Variants in PTPRQ observed in about 807,000 individuals in gnomAD.
PTPRQ encodes phosphatidylinositol phosphatase PTPRQ.
PTPRQ carries 199 observed loss-of-function variants against 246.0 expected under a neutral mutation model. That is an observed-to-expected ratio of 0.81 (90% CI 0.72 to 0.91). The LOEUF (loss-of-function observed/expected upper bound fraction) is 0.91, where lower values mean the gene tolerates loss of function less well. Among genes scored for constraint, PTPRQ ranks in the 40% least tolerant of loss-of-function variants. PTPRQ has a pLI of 0.00. For synonymous variants in PTPRQ, 869 were observed against 853.2 expected (o/e 1.02, Z -0.32); for missense variants, 2,624 against 2,528.4 (o/e 1.04, Z -0.81).
chr12:80,488,753 T>C (rs1403195016), intron 9 of PTPRQ, among the ~76,000 whole-genome samples: 3 of 152,040 alleles, frequency 2.0e-5, no homozygotes, highest in Non-Finnish European at 4.4e-5. Context: ...TTTGATCTCA[T>C]TACCCTTATT....
chr12:80,527,273 T>A (rs1895715073), intron 17 of PTPRQ, among the ~76,000 whole-genome samples: 2 of 152,108 alleles, frequency 1.3e-5, no homozygotes, highest in Admixed American at 6.6e-5. Flanking sequence ...GTCAAGTAAT[T>A]GTTAACCTTG....
At chr12:80,663,799 C>G (rs1900703959) in intron 39 of PTPRQ, among the ~76,000 whole-genome samples, 1 of 151,864 alleles carries the variant, frequency 6.6e-6, no homozygotes, top group Non-Finnish European at 1.5e-5. Flanking sequence ...ATTGTAGCCT[C>G]TCCATAATCT....
chr12:80,482,580 G>A (rs956539492), intron 8 of PTPRQ, among the ~76,000 whole-genome samples: 16 of 150,324 alleles, frequency 1.1e-4, no homozygotes, highest in Non-Finnish European at 1.9e-4. Context: ...CCATCAGAGC[G>A]AACAGGCAAC....
rs145154886 is a variant in PTPRQ at position 80,483,759 on chromosome 12, G to A, written c.1187-674G>A. On this transcript the variant is annotated intron_variant, in intron 8 of 44. Transcript: ENST00000644991. Reference sequence around the variant, plus strand: ...AGCCCCCCACCCACCGACAGGCCCCGGTGTATGATGTTCCTCTCCCTGTGT... The same window carrying A: ...AGCCCCCCACCCACCGACAGGCCCCAGTGTATGATGTTCCTCTCCCTGTGT... Among the ~76,000 whole-genome samples the A allele has an allele frequency of 9.0e-3, 1,340 of 149,366 alleles. 15 individuals are homozygous for A. The highest frequency in any genetic ancestry group is 0.031 in the African/African-American group (1,287 of 40,878).
chr12:80,478,307 G>T (rs926588964), intron 8 of PTPRQ, among the ~76,000 whole-genome samples: 1 of 151,898 alleles, frequency 6.6e-6, no homozygotes, highest in Non-Finnish European at 1.5e-5. Context: ...CAACAGACCT[G>T]CAGCTGAGGG....
At chr12:80,594,680 A>G (rs1897910763) in intron 26 of PTPRQ, among the ~76,000 whole-genome samples, 1 of 152,108 alleles carries the variant, frequency 6.6e-6, no homozygotes, top group African/African-American at 2.4e-5. Flanking sequence ...CTAGTTATCT[A>G]GAAATCATTG....
chr12:80,649,642 C>G lies in PTPRQ; in HGVS notation c.5997C>G (p.Asn1999Lys). Residue 1999 changes from asparagine to lysine, a missense_variant, in exon 37 of 45, where the codon AAC (asparagine) becomes AAG (lysine). Physicochemically the swap from Asn to Lys is moderately conservative, Grantham distance 94. Transcript: ENST00000644991. ...ATGTTGAAGAGCTTTGCACAAACAA[C>G]AACCTAAAGTTTCAAGAAGAATTTT... ...LQHVEELCTN[N>K]NLKFQEEFSE... 1 of 1,549,110 alleles carries G rather than the reference C, an allele frequency of 6.5e-7. No homozygotes were observed. The highest frequency in any genetic ancestry group is 8.7e-7 in the Non-Finnish European group (1 of 1,145,524).
intron 33 of PTPRQ, among the ~76,000 whole-genome samples, chr12:80,629,991 G>A (rs774643338): frequency 3.3e-5 from 5 of 151,990 alleles, no homozygotes; most frequent in African/African-American, 4.8e-5. Context: ...GTCACATAAC[G>A]CATATTCCAC....
chr12:80,556,661 T>C (rs1042500547), intron 25 of PTPRQ, among the ~76,000 whole-genome samples: 8 of 152,132 alleles, frequency 5.3e-5, no homozygotes, highest in Admixed American at 1.3e-4. Flanking sequence ...ATTGGAAATA[T>C]CTTGGATGGT....
Position 80,496,104 on chromosome 12 carries a change from A to T in PTPRQ, c.1988A>T (p.Asp663Val). 6.5e-7 allele frequency: 1 copy of T among 1,545,914 alleles called. No homozygotes were observed. Among genetic ancestry groups the T allele is most frequent in the Non-Finnish European group, 8.7e-7 (1 of 1,145,326 alleles). The part of the protein sequence containing the change: ...ENDIFVRTSE[D>V]EPESSPQDVE... ...GACATCTTTGTGAGAACTTCAGAAG[A>T]TGGTAAGAATATCAATTGCAGCTTT... The change falls in exon 13 of 45, where the codon GAT (aspartate) becomes GTT (valine). Residue 663 changes from aspartate (D) to valine (V), a missense_variant and splice_region_variant. Asp to Val is a radical substitution (Grantham distance 152). Coordinates refer to ENST00000644991, the MANE Select transcript of PTPRQ (RefSeq NM_001145026.2).
chr12:80,650,835 A>ATATT (rs1555211391), intron 37 of PTPRQ, among the ~76,000 whole-genome samples: 2 of 151,546 alleles, frequency 1.3e-5, no homozygotes, highest in African/African-American at 4.9e-5. Flanking sequence ...ACATTTTCAC[A>ATATT]TATATGAGAA....
At chr12:80,663,379 C>T (rs1900691381) in intron 39 of PTPRQ, among the ~76,000 whole-genome samples, 1 of 151,766 alleles carries the variant, frequency 6.6e-6, no homozygotes, top group South Asian at 2.1e-4. Flanking sequence ...GGCTTTCTGG[C>T]CTTGCTCACC....
intron 23 of PTPRQ, among the ~76,000 whole-genome samples, chr12:80,545,784 A>G (rs1896286415): frequency 6.7e-6 from 1 of 148,302 alleles, no homozygotes; most frequent in South Asian, 2.1e-4. Context: ...ATATATAATA[A>G]TGTTATTATT....
chr12:80,598,348 A>G (rs568288900), intron 26 of PTPRQ, among the ~76,000 whole-genome samples: 1 of 152,090 alleles, frequency 6.6e-6, no homozygotes, highest in South Asian at 2.1e-4. Flanking sequence ...AAAACATCCA[A>G]ACTACAAAAG....
chr12:80,592,862 T>C (rs1482011030), intron 26 of PTPRQ, among the ~76,000 whole-genome samples: 6 of 151,682 alleles, frequency 4.0e-5, no homozygotes, highest in African/African-American at 1.5e-4. Flanking sequence ...ATACAAAAAA[T>C]TATCCGAACA....
rs1014934284 is a variant in PTPRQ, at chr12:80,632,273, C to T, written c.5768C>T (p.Ala1923Val). 14 of 1,551,090 alleles carry T rather than the reference C, an allele frequency of 9.0e-6. No homozygotes were observed. The African/African-American group carries it at 1.8e-4, about 20-fold the overall frequency. Residue 1923 changes from alanine (A) to valine (V), a missense_variant, in exon 34 of 45, where the codon GCT (alanine) becomes GTT (valine). Coordinates refer to ENST00000644991, the MANE Select transcript of PTPRQ (RefSeq NM_001145026.2). ...CTTTCAATAATTCTCCTTGGAACAG[C>T]TATTTTTGCATTTGCAAGGTAAGAT... Reference protein sequence around the residue: ...CILSIILLGTAIFAFARIRQK... With the variant: ...CILSIILLGTVIFAFARIRQK...
At chr12:80,464,105 T>C (rs901046288) in intron 6 of PTPRQ, among the ~76,000 whole-genome samples, 20 of 151,858 alleles carry the variant, frequency 1.3e-4, no homozygotes, top group African/African-American at 4.8e-4. Flanking sequence ...CCCATCAGTG[T>C]GTTGTATTCA....
intron 25 of PTPRQ, among the ~76,000 whole-genome samples, chr12:80,585,076 C>T (rs1466204925): frequency 6.6e-6 from 1 of 151,170 alleles, no homozygotes; most frequent in Non-Finnish European, 1.5e-5. Flanking sequence ...AAGTCCAGAC[C>T]TCTCTCTACA....
chr12:80,513,119 T>G (rs1895172844), intron 17 of PTPRQ, among the ~76,000 whole-genome samples: 1 of 152,230 alleles, frequency 6.6e-6, no homozygotes, highest in Middle Eastern at 3.4e-3. Context: ...TTAGCTCAGT[T>G]AGACCCCCTG....
Sources: allele counts gnomAD v4.1 joint callset (sites outside exome capture counted in the v4.1 genomes callset), GRCh38; gene constraint gnomAD v4.1.1; transcripts MANE v1.5; gene names NCBI Gene and HGNC (gene_info 2026-07-23, HGNC 2026-07-21).